ZNF236: variants seen among roughly 807,000 people sequenced by gnomAD.
ZNF236 encodes zinc finger protein 236.
In ZNF236, 50 loss-of-function variants were observed where a neutral mutation model predicts 191.2. That is an observed-to-expected ratio of 0.26 (90% confidence interval 0.21 to 0.33). ZNF236 has a LOEUF of 0.33. ZNF236 is among the 10% of genes least tolerant of loss of function. The pLI is 1.00. For missense variants in ZNF236, 1,754 were observed against 2,374.5 expected (o/e 0.74, Z 5.43); for synonymous variants, 907 against 928.8 (o/e 0.98, Z 0.43).
chr18:76,841,665 C>T (rs1975508972), intron 1 of ZNF236, among the ~76,000 whole-genome samples: 1 of 150,060 alleles, frequency 6.7e-6, no homozygotes, highest in Admixed American at 6.6e-5. Context: ...TTACACTAGG[C>T]TCAAAGTAGC....
intron 3 of ZNF236, among the ~76,000 whole-genome samples, chr18:76,858,331 C>T (rs1405171249): frequency 1.3e-5 from 2 of 152,204 alleles, no homozygotes; most frequent in Non-Finnish European, 2.9e-5. Flanking sequence ...CCTGGACTCA[C>T]CAATTGATAA....
chr18:76,960,406 C>T lies in ZNF236; in HGVS notation c.5243-273C>T, dbSNP rs552060875. 6.6e-6 allele frequency among the ~76,000 whole-genome samples: 1 copy of T among 152,302 alleles called. No homozygotes were observed. The highest frequency in any genetic ancestry group is 1.9e-4 in the East Asian group (1 of 5,172). ...TTTCTGTTGTGATCATCTGACGACT[C>T]ACTGTGGGCCTGGGGTTCCACAGGC... On this transcript the variant is annotated intron_variant, in intron 29 of 30. Transcript: ENST00000320610. This position sits in a 1 kb window ranked among gnomAD's most constrained non-coding sequence, Gnocchi z 4.4.
chr18:76,856,475 A>G (rs1201947360), intron 3 of ZNF236, among the ~76,000 whole-genome samples: 1 of 152,150 alleles, frequency 6.6e-6, no homozygotes, highest in Admixed American at 6.5e-5. Flanking sequence ...GAGCCGCTGC[A>G]CCTGGCCAGC....
intron 1 of ZNF236, among the ~76,000 whole-genome samples, chr18:76,837,131 C>T (rs1224915673): frequency 1.1e-5 from 1 of 94,824 alleles, no homozygotes; most frequent in Admixed American, 9.5e-5. Context: ...ACCCCCTCCC[C>T]CCCCCCCCGC....
chr18:76,937,968 CTAAT>C (rs1339757964), intron 26 of ZNF236, among the ~76,000 whole-genome samples: 3 of 152,100 alleles, frequency 2.0e-5, no homozygotes, highest in African/African-American at 7.2e-5. Context: ...TAGTTGAAGA[CTAAT>C]TATAATAAGG....
chr18:76,968,534 G>T lies in ZNF236; in HGVS notation c.*195G>T, dbSNP rs1968840784. 5 of 1,354,382 alleles carry T rather than the reference G, an allele frequency of 3.7e-6. 1 individual carries two copies. In the East Asian group the frequency reaches 1.3e-4, roughly 34 times the overall value. The allele number at this position is 1,354,382 out of a possible 1,614,324, so 83.9% of individuals were successfully genotyped here. Reference sequence around the variant, plus strand: ...AAACTAGGAAAAGTGTCACCGCATTGTTCTCTTTTGTCTACAAATCACTGA... The same window carrying T: ...AAACTAGGAAAAGTGTCACCGCATTTTTCTCTTTTGTCTACAAATCACTGA... On this transcript the variant is annotated 3_prime_UTR_variant, in exon 31 of 31. Transcript: ENST00000320610.
intron 2 of ZNF236, among the ~76,000 whole-genome samples, chr18:76,850,299 C>T (rs1282117479): frequency 6.6e-6 from 1 of 152,136 alleles, no homozygotes; most frequent in African/African-American, 2.4e-5. Flanking sequence ...ACACCATGGA[C>T]CTCCTTTAGA....
Position 76,880,034 on chromosome 18 carries a change from C to CTT in ZNF236, c.985-78_985-77insTT. 2 of 844,146 alleles carry CTT rather than the reference C, an allele frequency of 2.4e-6. No homozygotes were observed. Among genetic ancestry groups the CTT allele is most frequent in the African/African-American group, 6.6e-5 (2 of 30,450 alleles). The allele number at this position is 844,146 out of a possible 1,614,324, so 52.3% of individuals were successfully genotyped here. A position where few individuals can be genotyped will look rare whatever the true frequency, so the allele number is the denominator to read the frequency against. On this transcript the variant is annotated intron_variant, in intron 7 of 30. Transcript: ENST00000320610. This position sits in a 1 kb window ranked among gnomAD's most constrained non-coding sequence, Gnocchi z 5.0. ...TTAACACCCTTAAGGAGGGTATTGC[C>CTT]TGTTTTTTTTTTTTTAATTTTCCTT...
chr18:76,858,684 G>T (rs1976121461), intron 3 of ZNF236, among the ~76,000 whole-genome samples: 3 of 147,172 alleles, frequency 2.0e-5, no homozygotes, highest in Admixed American at 1.4e-4. Flanking sequence ...CTGGAGGCGG[G>T]TGCAGGTGGA....
In ZNF236 at chr18:76,919,870, C is replaced by T; in HGVS notation, c.3369C>T (p.Ala1123=). The change falls in exon 20 of 31, where the codon GCC becomes GCT. Residue 1123 remains alanine (A), a synonymous_variant. Coordinates refer to ENST00000320610, the MANE Select transcript of ZNF236 (RefSeq NM_001306089.2). The surrounding 1 kb of genome is among the most constrained non-coding windows in gnomAD (Gnocchi z 5.3). ...TCACTTTCACGGAGGAGGAGACAGCCCAGTTAGCCAAGATCCGGCCGCAGG... is the reference window on the plus strand; with the variant it reads ...TCACTTTCACGGAGGAGGAGACAGCTCAGTTAGCCAAGATCCGGCCGCAGG... ...EVITFTEEET[A]QLAKIRPQES... 1.2e-6 allele frequency: 2 copies of T among 1,614,148 alleles called. No homozygotes were observed.
chr18:76,875,720 T>C lies in ZNF236; in HGVS notation c.840+56T>C. On this transcript the variant is annotated intron_variant, in intron 6 of 30. Coordinates refer to ENST00000320610, the MANE Select transcript of ZNF236 (RefSeq NM_001306089.2). The surrounding 1 kb of genome is among the most constrained non-coding windows in gnomAD (Gnocchi z 4.3). ...TTCACAGGGGACAGTAGGTATCTTT[T>C]GGGTTAATAAACGGACCTGAGAAAT... 2 of 1,356,036 alleles carry C rather than the reference T, an allele frequency of 1.5e-6. No homozygotes were observed. The highest frequency in any genetic ancestry group is 9.6e-7 in the Non-Finnish European group (1 of 1,041,864). 84.0% of individuals were successfully genotyped at this position (1,356,036 alleles called of 1,614,324 possible). A position where few individuals can be genotyped will look rare whatever the true frequency, so the allele number is the denominator to read the frequency against.
chr18:76,946,023 T>C (rs1414909167), intron 26 of ZNF236, among the ~76,000 whole-genome samples: 2 of 152,216 alleles, frequency 1.3e-5, no homozygotes, highest in Non-Finnish European at 2.9e-5. Context: ...TAAAATTCTC[T>C]GATGGAGGAA....
chr18:76,927,482 C>T lies in ZNF236; in HGVS notation c.4379C>T (p.Ser1460Phe). 1 of 1,614,146 alleles carries T rather than the reference C, an allele frequency of 6.2e-7. No individual in the cohort carries two copies. Among genetic ancestry groups the T allele is most frequent in the Non-Finnish European group, 8.5e-7 (1 of 1,180,044 alleles). Residue 1460 changes from serine to phenylalanine, a missense_variant, in exon 24 of 31, where the codon TCT (serine) becomes TTT (phenylalanine). This residue lies in a region of ZNF236 where 606 missense variants were observed against 761.5 expected (regional missense o/e 0.80). Coordinates refer to ENST00000320610, the MANE Select transcript of ZNF236 (RefSeq NM_001306089.2). This position sits in a 1 kb window ranked among gnomAD's most constrained non-coding sequence, Gnocchi z 5.4. ...GCGAACCTGACCATAGGCCCGCTGT[C>T]TGAGCAGGATTCAGTGCTGACCACT... ...TSANLTIGPL[S>F]EQDSVLTTNS...
At chr18:76,859,292 G>A (rs1327502220) in intron 3 of ZNF236, among the ~76,000 whole-genome samples, 6 of 152,010 alleles carry the variant, frequency 3.9e-5, no homozygotes, top group Non-Finnish European at 8.8e-5. Context: ...GGACTCAGGT[G>A]GAGGTGGAAG....
rs1371522602 is a variant in ZNF236 at position 76,923,251 on chromosome 18, G to A, written c.3661+77G>A. The A allele has an allele frequency of 3.9e-6, 4 of 1,022,276 alleles. No homozygotes were observed. The Admixed American group carries it at 5.9e-5, about 15-fold the overall frequency. The allele number at this position is 1,022,276 out of a possible 1,614,324, so 63.3% of individuals were successfully genotyped here. ...TATGTTTTGTTCCTATATATTTTGT[G>A]TACATAAATACTTTCCAAATTATAG... On this transcript the variant is annotated intron_variant, in intron 21 of 30. Transcript: ENST00000320610.
rs1968913957 is a variant in ZNF236, at chr18:76,972,022, T to A, written c.*3683T>A. Among the ~76,000 whole-genome samples the A allele has an allele frequency of 6.6e-6, 1 of 152,146 alleles. No individual in the cohort carries two copies. ...GCATAGGAAGTAAGTGAGGCAGAGA[T>A]GAGATTATGCGGCGGATACTTCTGA... On this transcript the variant is annotated 3_prime_UTR_variant, in exon 31 of 31. Coordinates refer to ENST00000320610, the MANE Select transcript of ZNF236 (RefSeq NM_001306089.2).
chr18:76,850,970 T>C (rs990144205), intron 2 of ZNF236, among the ~76,000 whole-genome samples: 1 of 151,052 alleles, frequency 6.6e-6, no homozygotes, highest in Non-Finnish European at 1.5e-5. Flanking sequence ...TCCAACTTAA[T>C]GAGTTGAAAT....
intron 9 of ZNF236, among the ~76,000 whole-genome samples, chr18:76,884,437 T>C (rs765931355): frequency 7.8e-4 from 118 of 152,000 alleles, no homozygotes; most frequent in Non-Finnish European, 7.8e-4. Context: ...TGGTGAAATA[T>C]TGCCTATCTA....
At chr18:76,893,085 A>G (rs1413372555) in intron 9 of ZNF236, among the ~76,000 whole-genome samples, 1 of 152,194 alleles carries the variant, frequency 6.6e-6, no homozygotes, top group Non-Finnish European at 1.5e-5. Context: ...CTATTCACAG[A>G]TATTAGAACC....
Sources: gnomAD v4.1 joint callset for allele counts (sites outside exome capture counted in the v4.1 genomes callset) on GRCh38, gnomAD v4.1.1 for gene constraint, gnomAD v4.1.1 regional missense constraint, Gnocchi (gnomAD v3.1) non-coding constraint, MANE v1.5 for transcripts, NCBI Gene and HGNC (gene_info 2026-07-23, HGNC 2026-07-21) for gene names.